RTN4R: variants seen among roughly 807,000 people sequenced by gnomAD.
The protein encoded by RTN4R is reticulon-4 receptor.
In RTN4R, 4 loss-of-function variants were observed where a neutral mutation model predicts 27.7. That is an observed-to-expected ratio of 0.14 (90% CI 0.07 to 0.33). The LOEUF is 0.33. Ranked by LOEUF, RTN4R falls within the 10% of genes least tolerant of loss-of-function variation. The pLI is 1.00. For missense variants in RTN4R, 554 were observed against 671.5 expected, an observed-to-expected ratio of 0.83 and a Z score of 1.93; for synonymous variants, 290 against 305.6, an observed-to-expected ratio of 0.95 and a Z score of 0.53.
At chr22:20,248,388 T>C (rs1229245250) in intron 1 of RTN4R, among the ~76,000 whole-genome samples, 1 of 152,094 alleles carries the variant, frequency 6.6e-6, no homozygotes, top group Non-Finnish European at 1.5e-5. Flanking sequence ...CAGTCCTGTT[T>C]CCAGCCAGCA....
intron 1 of RTN4R, among the ~76,000 whole-genome samples, chr22:20,253,404 GAC>G (rs1032405170): frequency 6.6e-6 from 1 of 152,222 alleles, no homozygotes; most frequent in African/African-American, 2.4e-5. Flanking sequence ...CTGCATGAAA[GAC>G]ACGTGTTCCT....
intron 1 of RTN4R, among the ~76,000 whole-genome samples, chr22:20,248,102 A>G (rs2051153019): frequency 1.3e-5 from 2 of 152,230 alleles, no homozygotes; most frequent in South Asian, 4.1e-4. Flanking sequence ...TTATTGACCC[A>G]TTTTACAAAT....
intron 1 of RTN4R, among the ~76,000 whole-genome samples, chr22:20,254,120 G>A (rs1196908397): frequency 2.6e-5 from 4 of 152,138 alleles, no homozygotes; most frequent in Non-Finnish European, 5.9e-5. Context: ...TCCAGGAGGA[G>A]AAGCTGGTCA....
intron 1 of RTN4R, among the ~76,000 whole-genome samples, chr22:20,262,193 A>ATGTACCTC (rs1447957253): frequency 6.6e-6 from 1 of 152,150 alleles, no homozygotes; most frequent in Non-Finnish European, 1.5e-5. Flanking sequence ...CTGGGCTTGG[A>ATGTACCTC]CGTTGGGTAC....
intron 1 of RTN4R, among the ~76,000 whole-genome samples, chr22:20,256,593 C>T (rs1004342010): frequency 4.6e-5 from 7 of 152,212 alleles, no homozygotes; most frequent in South Asian, 2.1e-4. Flanking sequence ...CTGGGCCAGG[C>T]CTCAGCACCT....
rs576802090 is a variant in RTN4R at position 20,241,960 on chromosome 22, A to G, written c.1173T>C (p.Ala391=). The change falls in exon 2 of 2, where the codon GCT becomes GCC. Residue 391 remains alanine, a synonymous_variant. Coordinates refer to ENST00000043402, the MANE Select transcript of RTN4R (RefSeq NM_023004.6). The stretch of plus-strand genomic sequence containing the variant: ...GCCGCACTGCAGTGAGCGGGGGCTC[A>G]GCAGAGCCAGGCAGAGTCCCAAAGG... ...DSPFGTLPGS[A]EPPLTAVRPE... The G allele has an allele frequency of 1.9e-6, 3 of 1,609,240 alleles. No homozygotes were observed. Among genetic ancestry groups the G allele is most frequent in the South Asian group, 2.2e-5 (2 of 91,058 alleles).
intron 1 of RTN4R, among the ~76,000 whole-genome samples, chr22:20,250,166 G>A (rs752021066): frequency 2.0e-5 from 3 of 152,258 alleles, no homozygotes; most frequent in South Asian, 2.1e-4. Context: ...CCAGAGCTCC[G>A]TGTCCGGGGG....
chr22:20,250,484 C>T (rs1208145295), intron 1 of RTN4R, among the ~76,000 whole-genome samples: 2 of 152,142 alleles, frequency 1.3e-5, no homozygotes, highest in Non-Finnish European at 2.9e-5. Flanking sequence ...CTCACAATGG[C>T]CCCAGCAGTT....
Position 20,242,710 on chromosome 22 carries a change from G to C in RTN4R, c.423C>G (p.Gly141=). The C allele has an allele frequency of 6.2e-7, 1 of 1,612,448 alleles. No individual in the cohort carries two copies. Among genetic ancestry groups the C allele is most frequent in the Non-Finnish European group, 8.5e-7 (1 of 1,179,636 alleles). The change falls in exon 2 of 2, where the codon GGC becomes GGG. Residue 141 remains glycine (G), a synonymous_variant. Transcript: ENST00000043402. ...RLHTLHLDRC[G]LQELGPGLFR... ...ACAGCCCCGGGCCCAGCTCCTGCAGGCCGCAGCGGTCCAGGTGCAGCGTGT... is the reference window on the plus strand; with the variant it reads ...ACAGCCCCGGGCCCAGCTCCTGCAGCCCGCAGCGGTCCAGGTGCAGCGTGT...
At chr22:20,253,791 G>C (rs964775425) in intron 1 of RTN4R, among the ~76,000 whole-genome samples, 1 of 151,976 alleles carries the variant, frequency 6.6e-6, no homozygotes, top group Non-Finnish European at 1.5e-5. Context: ...GAACAAGGAG[G>C]CATCAGACAA....
Position 20,255,836 on chromosome 22 carries a change from C to T in RTN4R, c.22+12235G>A, listed in dbSNP as rs1310917911. 2.0e-5 allele frequency among the ~76,000 whole-genome samples: 3 copies of T among 152,222 alleles called. No homozygotes were observed. On this transcript the variant is annotated intron_variant, in intron 1 of 1. Transcript: ENST00000043402. The surrounding 1 kb of genome is among the most constrained non-coding windows in gnomAD (Gnocchi z 4.8). ...ACTGGGGTGGGTGTGCAGCCCCCAG[C>T]CTCCTTTCTGACCGTGCACACGGGC...
chr22:20,267,230 A>C (rs898963674), intron 1 of RTN4R, among the ~76,000 whole-genome samples: 1 of 152,232 alleles, frequency 6.6e-6, no homozygotes, highest in African/African-American at 2.4e-5. Context: ...CAGTCCGTGT[A>C]GACAAGTGCA....
rs1186675447 is a variant in RTN4R, at chr22:20,241,489, C to A, written c.*222G>T. The A allele has an allele frequency of 3.4e-6, 2 of 593,258 alleles. No individual in the cohort carries two copies. Among genetic ancestry groups the A allele is most frequent in the Non-Finnish European group, 6.0e-6 (2 of 331,862 alleles). 36.7% of individuals were successfully genotyped at this position (593,258 alleles called of 1,614,324 possible). A position where few individuals can be genotyped will look rare whatever the true frequency, so the allele number is the denominator to read the frequency against. On this transcript the variant is annotated 3_prime_UTR_variant, in exon 2 of 2. Coordinates refer to ENST00000043402, the MANE Select transcript of RTN4R (RefSeq NM_023004.6). ...AAAATAAAATGCATATCTCTATATA[C>A]CGCGATCTGGGTGGGAGGCGGCGTT... is the stretch of plus-strand genomic sequence containing the variant.
In RTN4R at chr22:20,241,886, C is replaced by T; in HGVS notation, c.1247G>A (p.Arg416Lys). 1.9e-6 allele frequency: 3 copies of T among 1,607,348 alleles called. No individual in the cohort carries two copies. Among genetic ancestry groups the T allele is most frequent in the East Asian group, 2.2e-5 (1 of 44,774 alleles). ...GCGGTTCTTGCGTGAACAGCCTGGC[C>T]TCCGGCGAGGGCCCGAGGTGGGGAA... Reference protein sequence around the residue: ...PGFPTSGPRRRPGCSRKNRTR... With the variant: ...PGFPTSGPRRKPGCSRKNRTR... Residue 416 changes from arginine to lysine, a missense_variant, in exon 2 of 2, where the codon AGG becomes AAG. Coordinates refer to ENST00000043402, the MANE Select transcript of RTN4R (RefSeq NM_023004.6).
intron 1 of RTN4R, among the ~76,000 whole-genome samples, chr22:20,251,613 C>T (rs2051177534): frequency 7.6e-6 from 1 of 131,780 alleles, no homozygotes; most frequent in South Asian, 2.6e-4. Flanking sequence ...TCCTCATTAC[C>T]ATCACTATCA....
rs1428175702 is a variant in RTN4R, at chr22:20,241,820, C to T, written c.1313G>A (p.Gly438Asp). The change falls in exon 2 of 2, where the codon GGT becomes GAT. Residue 438 changes from glycine to aspartate, a missense_variant. By Grantham distance (94) the Gly-to-Asp change is moderately conservative (BLOSUM62 -1). This residue lies in a region of RTN4R where 141 missense variants were observed against 129.2 expected (regional missense o/e 1.09). Coordinates refer to ENST00000043402, the MANE Select transcript of RTN4R (RefSeq NM_023004.6). ...HCRLGQAGSG[G>D]GGTGDSEGSG... Reference sequence around the variant, plus strand: ...GCCTTCTGAGTCACCAGTCCCGCCACCCCCGCTGCCTGCCTGGCCCAGACG... The same window carrying T: ...GCCTTCTGAGTCACCAGTCCCGCCATCCCCGCTGCCTGCCTGGCCCAGACG... The T allele has an allele frequency of 6.3e-7, 1 of 1,592,688 alleles. No homozygotes were observed. Among genetic ancestry groups the T allele is most frequent in the Non-Finnish European group, 8.5e-7 (1 of 1,170,500 alleles).
rs2051105895 is a variant in RTN4R at position 20,241,609 on chromosome 22, C to T, written c.*102G>A. On this transcript the variant is annotated 3_prime_UTR_variant, in exon 2 of 2. Coordinates refer to ENST00000043402, the MANE Select transcript of RTN4R (RefSeq NM_023004.6). ...GTCCATCAGGGAGGACCTGGCCTGG[C>T]CTGCCCCACGGGTCGGCCGCCCGGC... is the stretch of plus-strand genomic sequence containing the variant. 4 of 1,348,768 alleles carry T rather than the reference C, an allele frequency of 3.0e-6. No individual in the cohort carries two copies. Among genetic ancestry groups the T allele is most frequent in the Non-Finnish European group, 4.1e-6 (4 of 973,978 alleles). The allele number at this position is 1,348,768 out of a possible 1,614,324, so 83.6% of individuals were successfully genotyped here. A position where few individuals can be genotyped will look rare whatever the true frequency, so the allele number is the denominator to read the frequency against.
chr22:20,267,787 G>A (rs1341936766), intron 1 of RTN4R: 25 of 392,374 alleles, frequency 6.4e-5, no homozygotes, highest in Non-Finnish European at 1.2e-4. Context: ...CCCTCGACTT[G>A]GCCCAGCATC....
Position 20,261,533 on chromosome 22 carries a change from G to A in RTN4R, c.22+6538C>T, listed in dbSNP as rs76019885. ...CACGTGCGGACAGGGAGGCTCAGAG[G>A]GTAGGTGGCTCCCCGGGGGAAACAG... On this transcript the variant is annotated intron_variant, in intron 1 of 1. Coordinates refer to ENST00000043402, the MANE Select transcript of RTN4R (RefSeq NM_023004.6). Among the ~76,000 whole-genome samples the A allele has an allele frequency of 0.011, 1,698 of 152,334 alleles. 56 individuals carry two copies. The South Asian group carries it at 0.13, about 11-fold the overall frequency.
Sources: gnomAD v4.1 joint callset for allele counts (sites outside exome capture counted in the v4.1 genomes callset) on GRCh38, gnomAD v4.1.1 for gene constraint, gnomAD v4.1.1 regional missense constraint, Gnocchi (gnomAD v3.1) non-coding constraint, MANE v1.5 for transcripts, NCBI Gene and HGNC (gene_info 2026-07-23, HGNC 2026-07-21) for gene names.